The following CRYBG3 variants were observed in gnomAD, a reference collection of about 807,000 sequenced individuals.
The protein encoded by CRYBG3 is very large A-kinase anchor protein.
CRYBG3 carries 127 observed loss-of-function variants against 244.2 expected under a neutral mutation model. That is an observed-to-expected ratio of 0.52 (90% CI 0.45 to 0.60). CRYBG3 has a LOEUF of 0.60. Among genes scored for constraint, CRYBG3 ranks in the 20% least tolerant of loss-of-function variants. The pLI is 0.00. For missense variants in CRYBG3, 3,325 were observed against 3,442.5 expected (o/e 0.97, Z 0.85); for synonymous variants, 1,132 against 1,195.8 (o/e 0.95, Z 1.10).
chr3:97,915,717 C>T lies in CRYBG3; in HGVS notation c.8222C>T (p.Ser2741Phe), dbSNP rs777668950. ...GGTTGCCCAGCATCTAAAGTCAAAT[C>T]TCTCAAGCCCATTGACTATGTAAGT... ...SCGCPASKVK[S>F]LKPIDYVFEE... is the part of the protein sequence containing the mutation. Residue 2741 changes from serine to phenylalanine, a missense_variant, in exon 17 of 22, where the codon TCT (serine) becomes TTT (phenylalanine). By Grantham distance (155) the Ser-to-Phe change is radical. Coordinates refer to ENST00000389622, the MANE Select transcript of CRYBG3 (RefSeq NM_153605.4). The T allele has an allele frequency of 1.2e-5, 19 of 1,611,896 alleles. No homozygotes were observed. Among genetic ancestry groups the T allele is most frequent in the Non-Finnish European group, 1.6e-5 (19 of 1,178,484 alleles).
Position 97,861,747 on chromosome 3 carries a change from G to A in CRYBG3, c.217-2470G>A, listed in dbSNP as rs549812190. Among the ~76,000 whole-genome samples, 7 of 152,110 alleles carry A rather than the reference G, an allele frequency of 4.6e-5. No homozygotes were observed. The East Asian group carries it at 1.4e-3, about 29-fold the overall frequency. Reference sequence around the variant, plus strand: ...CAGTCCTGTTGGCAGACAGATATAGGGCCCGCATAATGAGGGCCTGTAGGT... The same window carrying A: ...CAGTCCTGTTGGCAGACAGATATAGAGCCCGCATAATGAGGGCCTGTAGGT... On this transcript the variant is annotated intron_variant, in intron 2 of 21. Coordinates refer to ENST00000389622, the MANE Select transcript of CRYBG3 (RefSeq NM_153605.4).
At chr3:97,893,703 T>A (rs563405779) in intron 11 of CRYBG3, among the ~76,000 whole-genome samples, 6 of 152,368 alleles carry the variant, frequency 3.9e-5, no homozygotes, top group African/African-American at 1.4e-4. Flanking sequence ...TCTCTGTTGA[T>A]ACATTGGTTA....
At chr3:97,933,569 A>G in intron 17 of CRYBG3, 125 bp from the exon 18 acceptor site, 2 of 940,064 alleles carry the variant, frequency 2.1e-6, no homozygotes, top group Non-Finnish European at 3.4e-6. Flanking sequence ...TAGCAACCTT[A>G]GAGAGTAAAA....
chr3:97,869,474 C>T (rs763125457), intron 3 of CRYBG3, among the ~76,000 whole-genome samples: 3 of 152,092 alleles, frequency 2.0e-5, no homozygotes, highest in Non-Finnish European at 4.4e-5. Context: ...AAGTTGCCAT[C>T]GCATTTTTAT....
chr3:97,900,522 T>G, intron 15 of CRYBG3, 37 bp downstream of exon 15: 1 of 1,310,694 alleles, frequency 7.6e-7, no homozygotes, highest in South Asian at 1.2e-5. Flanking sequence ...GTTAAATTGT[T>G]TACTAAAAGC....
In CRYBG3 at chr3:97,835,314, A is replaced by G. The variant is rs147513046; in HGVS notation, c.150-7881A>G. 5.6e-4 allele frequency among the ~76,000 whole-genome samples: 85 copies of G among 151,870 alleles called. 2 individuals carry two copies. The East Asian group carries it at 0.015, about 26-fold the overall frequency. On this transcript the variant is annotated intron_variant, in intron 1 of 21. Coordinates refer to ENST00000389622, the MANE Select transcript of CRYBG3 (RefSeq NM_153605.4). ...TGAAGTAAAAATAAAATGGGGAGGG[A>G]CTCACCATAATGGAAGTGGTGAGTC...
chr3:97,863,679 T>G (rs962215417), intron 2 of CRYBG3, among the ~76,000 whole-genome samples: 5 of 152,136 alleles, frequency 3.3e-5, no homozygotes, highest in Admixed American at 3.3e-4. Flanking sequence ...ACCAAGAACT[T>G]GAAATACTCT....
At chr3:97,899,053 G>A in intron 13 of CRYBG3, 28 bp downstream of exon 13, 1 of 1,603,108 alleles carries the variant, frequency 6.2e-7, no homozygotes, top group South Asian at 1.1e-5. Context: ...AGAACCTTGA[G>A]AGTCTTTGGT....
At chr3:97,938,511 G>C (rs1031399163) in intron 19 of CRYBG3, among the ~76,000 whole-genome samples, 8 of 151,766 alleles carry the variant, frequency 5.3e-5, no homozygotes, top group Non-Finnish European at 8.8e-5. Context: ...AACCTAATTG[G>C]TCTTCTCTCA....
chr3:97,877,153 G>A lies in CRYBG3; in HGVS notation c.5959G>A (p.Ala1987Thr). Residue 1987 changes from alanine to threonine, a missense_variant, in exon 4 of 22, where the codon GCT becomes ACT. Physicochemically the swap from Ala to Thr is moderately conservative, Grantham distance 58. Coordinates refer to ENST00000389622, the MANE Select transcript of CRYBG3 (RefSeq NM_153605.4). Reference sequence around the variant, plus strand: ...TTATAGTGACAAAGGATATAATTTAGCTTTTGTTTCTCAAGATGAACAAGA... The same window carrying A: ...TTATAGTGACAAAGGATATAATTTAACTTTTGTTTCTCAAGATGAACAAGA... ...TDYSDKGYNLAFVSQDEQENS... is the reference protein window; with the variant it reads ...TDYSDKGYNLTFVSQDEQENS... 1.2e-6 allele frequency: 2 copies of A among 1,613,896 alleles called. No homozygotes were observed. Among genetic ancestry groups the A allele is most frequent in the Non-Finnish European group, 1.7e-6 (2 of 1,179,854 alleles).
intron 12 of CRYBG3, 121 bp downstream of exon 12, chr3:97,896,206 C>A: frequency 1.2e-6 from 1 of 866,390 alleles, no homozygotes. Context: ...GAGTATTAAC[C>A]TCAACTGCTT....
Position 97,864,259 on chromosome 3 carries a change from G to C in CRYBG3, c.259G>C (p.Val87Leu), listed in dbSNP as rs1488220612. The C allele has an allele frequency of 1.3e-6, 2 of 1,523,992 alleles. No homozygotes were observed. Among genetic ancestry groups the C allele is most frequent in the Non-Finnish European group, 1.7e-6 (2 of 1,143,078 alleles). The allele number at this position is 1,523,992 out of a possible 1,614,324, so 94.4% of individuals were successfully genotyped here. Residue 87 changes from valine (V) to leucine (L), a missense_variant, in exon 3 of 22, where the codon GTC (valine) becomes CTC (leucine). Val to Leu is a conservative substitution (Grantham distance 32). This residue lies in a region of CRYBG3 where 1,526 missense variants were observed against 1,443.2 expected (regional missense o/e 1.06). Coordinates refer to ENST00000389622, the MANE Select transcript of CRYBG3 (RefSeq NM_153605.4). Reference sequence around the variant, plus strand: ...CAAAAGGAACCATGCTGAGAAGCCAGTCACTCTTCCAGTGCAGGAAGATCC... The same window carrying C: ...CAAAAGGAACCATGCTGAGAAGCCACTCACTCTTCCAGTGCAGGAAGATCC... ...EDKRNHAEKP[V>L]TLPVQEDPKK...
At chr3:97,918,983 C>T (rs1289915074) in intron 17 of CRYBG3, among the ~76,000 whole-genome samples, 3 of 152,176 alleles carry the variant, frequency 2.0e-5, no homozygotes, top group African/African-American at 7.2e-5. Context: ...GGAATAGACT[C>T]TCACTTGGGC....
chr3:97,870,299 T>C (rs2039286626), intron 3 of CRYBG3, among the ~76,000 whole-genome samples: 1 of 152,144 alleles, frequency 6.6e-6, no homozygotes, highest in Non-Finnish European at 1.5e-5. Flanking sequence ...CTTCCCATCC[T>C]CCCCACTCAA....
intron 18 of CRYBG3, 117 bp downstream of exon 18, chr3:97,933,950 C>A: frequency 1.4e-6 from 1 of 737,176 alleles, no homozygotes; most frequent in Non-Finnish European, 2.2e-6. Context: ...GAGGAAGAGC[C>A]CTTTGGAAGA....
At chr3:97,902,203 C>T (rs2039714049) in intron 15 of CRYBG3, among the ~76,000 whole-genome samples, 1 of 152,094 alleles carries the variant, frequency 6.6e-6, no homozygotes, top group Non-Finnish European at 1.5e-5. Context: ...GAGGAAGTTT[C>T]ATTTCAGAGC....
chr3:97,944,434 C>T lies in CRYBG3; in HGVS notation c.*1120C>T, dbSNP rs565431995. ...TTTATCCCCAACTTTTGCCAGAAAG[C>T]AGAAAAATGCTCTATTTTTATAAAG... On this transcript the variant is annotated 3_prime_UTR_variant, in exon 22 of 22. Coordinates refer to ENST00000389622, the MANE Select transcript of CRYBG3 (RefSeq NM_153605.4). 5.3e-5 allele frequency: 8 copies of T among 152,324 alleles called. No homozygotes were observed. The highest frequency in any genetic ancestry group is 1.7e-4 in the African/African-American group (7 of 41,488). The allele number at this position is 152,324 out of a possible 1,614,324, so 9.4% of individuals were successfully genotyped here.
intron 17 of CRYBG3, among the ~76,000 whole-genome samples, chr3:97,930,895 T>A (rs753222206): frequency 1.3e-5 from 2 of 152,070 alleles, no homozygotes; most frequent in Admixed American, 6.6e-5. Flanking sequence ...TTTCTGGGCA[T>A]CCTTTTTATC....
At chr3:97,884,838 G>A (rs750101095) in intron 7 of CRYBG3, among the ~76,000 whole-genome samples, 1 of 151,970 alleles carries the variant, frequency 6.6e-6, no homozygotes, top group South Asian at 2.1e-4. Context: ...TCATTTTTTA[G>A]TGATTACACT....
Sources: gnomAD v4.1 joint callset for allele counts (sites outside exome capture counted in the v4.1 genomes callset) on GRCh38, gnomAD v4.1.1 for gene constraint, gnomAD v4.1.1 regional missense constraint, MANE v1.5 for transcripts, NCBI Gene and HGNC (gene_info 2026-07-23, HGNC 2026-07-21) for gene names.